Variants in ATP10A observed in about 807,000 individuals in gnomAD.
ATP10A encodes phospholipid-transporting ATPase VA.
Under a neutral mutation model 147.8 loss-of-function variants are expected in ATP10A, and 111 were observed. The observed-to-expected ratio is 0.75, with a 90% CI of 0.64 to 0.88. The LOEUF (loss-of-function observed/expected upper bound fraction) is 0.88. ATP10A is among the 40% of genes least tolerant of loss of function. ATP10A has a pLI of 0.00. For synonymous variants in ATP10A, 875 were observed against 841.6 expected (o/e 1.04, Z -0.69); for missense variants, 1,927 against 1,959.0 (o/e 0.98, Z 0.31).
At chr15:25,769,224 C>T (rs1017053784) in intron 2 of ATP10A, among the ~76,000 whole-genome samples, 2 of 152,052 alleles carry the variant, frequency 1.3e-5, no homozygotes, top group East Asian at 1.9e-4. Context: ...TGGTGGCTTA[C>T]ACCTGTAATC....
intron 1 of ATP10A, among the ~76,000 whole-genome samples, chr15:25,815,894 G>A (rs1891634068): frequency 6.6e-6 from 1 of 151,894 alleles, no homozygotes; most frequent in Non-Finnish European, 1.5e-5. Flanking sequence ...TCCAACTCTT[G>A]CAAATGTAAG....
At chr15:25,723,235 C>G (rs956882541) in intron 6 of ATP10A, among the ~76,000 whole-genome samples, 2 of 151,834 alleles carry the variant, frequency 1.3e-5, no homozygotes, top group African/African-American at 4.8e-5. Context: ...GTAATCCCAG[C>G]TACTCGGGAG....
At position 25,716,734 on chromosome 15, in the gene ATP10A, G is replaced by C. The variant is rs1048415535; in HGVS notation, c.1772C>G (p.Thr591Arg). ...CAGGGACCCTCCAGAACTTGCCTTT[G>C]TTCGTGGCTGATCCGGGGACGTGAC... ...VVVTSPDQPR[T>R]KVRVRFELKS... is the part of the protein sequence containing the mutation. Residue 591 changes from threonine (T) to arginine (R), a missense_variant, in exon 9 of 21, where the codon ACA becomes AGA. Transcript: ENST00000555815. 4 of 1,581,386 alleles carry C rather than the reference G, an allele frequency of 2.5e-6. No individual in the cohort carries two copies. Among genetic ancestry groups the C allele is most frequent in the African/African-American group, 1.4e-5 (1 of 73,816 alleles).
chr15:25,829,680 C>T (rs1596966404), intron 1 of ATP10A, among the ~76,000 whole-genome samples: 1 of 152,196 alleles, frequency 6.6e-6, no homozygotes, highest in Non-Finnish European at 1.5e-5. Context: ...GGGAAAGGTG[C>T]CTGAACTAGG....
At chr15:25,831,853 C>A (rs1468622774) in intron 1 of ATP10A, among the ~76,000 whole-genome samples, 1 of 152,162 alleles carries the variant, frequency 6.6e-6, no homozygotes, top group Non-Finnish European at 1.5e-5. Context: ...CCCTCCAGTG[C>A]CAGTAGGACA....
chr15:25,749,277 T>C (rs1888022916), intron 2 of ATP10A, among the ~76,000 whole-genome samples: 1 of 152,094 alleles, frequency 6.6e-6, no homozygotes, highest in South Asian at 2.1e-4. Context: ...CTAAAAAATG[T>C]ATAAGATCTC....
Position 25,695,029 on chromosome 15 carries a change from GTGGGC to G in ATP10A, c.2873_2877del (p.Cys958SerfsTer72). On this transcript the variant is annotated frameshift_variant, in exon 14 of 21. Transcript: ENST00000555815. LOFTEE classifies it high-confidence loss of function. ...CGGCCAGAGGCAGTGGACGTGGAGG[GTGGGC>G]AGAGAGAGGAGAACCTCATGCTCAC... is the stretch of plus-strand genomic sequence containing the variant. The G allele has an allele frequency of 6.2e-7, 1 of 1,614,204 alleles. No individual in the cohort carries two copies. The highest frequency in any genetic ancestry group is 8.5e-7 in the Non-Finnish European group (1 of 1,180,046).
Position 25,727,205 on chromosome 15 carries a change from T to G in ATP10A, c.802A>C (p.Thr268Pro). ...YKENLLLRGC[T>P]LRNTDAVVGI... ...ACGACTGCGTCCGTGTTCCTAAGGGTGCAGCCCCTCAGCAGCAGGTTTTCT... is the reference window on the plus strand; with the variant it reads ...ACGACTGCGTCCGTGTTCCTAAGGGGGCAGCCCCTCAGCAGCAGGTTTTCT... Residue 268 changes from threonine to proline, a missense_variant, in exon 4 of 21, where the codon ACC (threonine) becomes CCC (proline). Thr to Pro is a conservative substitution (Grantham distance 38). Transcript: ENST00000555815. 6.2e-7 allele frequency: 1 copy of G among 1,614,106 alleles called. No homozygotes were observed. The highest frequency in any genetic ancestry group is 8.5e-7 in the Non-Finnish European group (1 of 1,180,018).
At position 25,753,563 on chromosome 15, in the gene ATP10A, C is replaced by T. The variant is rs58593505; in HGVS notation, c.655-17422G>A. Among the ~76,000 whole-genome samples the T allele has an allele frequency of 6.9e-3, 1,042 of 150,918 alleles. 15 individuals are homozygous for T. The highest frequency in any genetic ancestry group is 0.023 in the African/African-American group (958 of 41,068). On this transcript the variant is annotated intron_variant, in intron 2 of 20. Coordinates refer to ENST00000555815, the MANE Select transcript of ATP10A (RefSeq NM_024490.4). The stretch of plus-strand genomic sequence containing the variant: ...AAAGGCACCCCTAACTGCACCCCCC[C>T]ACAAGTCACTCTTAAGGGCTGTAAT...
At chr15:25,790,960 C>T (rs1230923186) in intron 1 of ATP10A, among the ~76,000 whole-genome samples, 2 of 152,114 alleles carry the variant, frequency 1.3e-5, no homozygotes, top group Non-Finnish European at 2.9e-5. Flanking sequence ...AGAAGTTTTG[C>T]ATTGTAAATA....
chr15:25,726,632 AT>A (rs1902573592), intron 4 of ATP10A, among the ~76,000 whole-genome samples: 1 of 151,732 alleles, frequency 6.6e-6, no homozygotes, highest in Non-Finnish European at 1.5e-5. Context: ...TTTAGTAGAG[AT>A]GGGGTTTCAC....
At chr15:25,783,053 G>A (rs909525414) in intron 1 of ATP10A, among the ~76,000 whole-genome samples, 4 of 152,058 alleles carry the variant, frequency 2.6e-5, no homozygotes, top group African/African-American at 9.7e-5. Context: ...GCACGAGCCT[G>A]TAGTCCCAGC....
chr15:25,733,420 G>A (rs1220780216), intron 3 of ATP10A, among the ~76,000 whole-genome samples: 1 of 152,134 alleles, frequency 6.6e-6, no homozygotes, highest in Non-Finnish European at 1.5e-5. Flanking sequence ...CCAGCCCCAG[G>A]GAGCACTCCT....
intron 2 of ATP10A, among the ~76,000 whole-genome samples, chr15:25,759,849 C>G (rs918261486): frequency 3.3e-5 from 5 of 151,628 alleles, no homozygotes; most frequent in African/African-American, 9.7e-5. Flanking sequence ...TTTTAGGTAG[C>G]TGGCCTAGGA....
At chr15:25,721,479 A>C (rs1481261469) in intron 7 of ATP10A, among the ~76,000 whole-genome samples, 178 bp downstream of exon 7, 1 of 151,884 alleles carries the variant, frequency 6.6e-6, no homozygotes, top group African/African-American at 2.4e-5. Context: ...ACCGGGCTTC[A>C]GGCACCTGAG....
At chr15:25,725,820 T>C in intron 5 of ATP10A, 131 bp downstream of exon 5, 2 of 1,137,342 alleles carry the variant, frequency 1.8e-6, no homozygotes, top group Admixed American at 2.7e-5. Context: ...GATTTCACCA[T>C]GTTGGCCAGC....
At chr15:25,832,720 C>A (rs905079821) in intron 1 of ATP10A, among the ~76,000 whole-genome samples, 2 of 152,104 alleles carry the variant, frequency 1.3e-5, no homozygotes, top group Non-Finnish European at 2.9e-5. Flanking sequence ...TAAACTACAG[C>A]TGGAGAGGAG....
At position 25,815,674 on chromosome 15, in the gene ATP10A, T is replaced by A. The variant is rs532061401; in HGVS notation, c.450-34451A>T. 1.8e-4 allele frequency among the ~76,000 whole-genome samples: 6 copies of A among 33,012 alleles called. No individual in the cohort carries two copies. In the South Asian group the frequency reaches 5.3e-3, roughly 29 times the overall value. 21.7% of individuals were successfully genotyped at this position (33,012 alleles called of 152,430 possible). On this transcript the variant is annotated intron_variant, in intron 1 of 20. Coordinates refer to ENST00000555815, the MANE Select transcript of ATP10A (RefSeq NM_024490.4). ...AAAATGAATTCTGCAAAAAAATTTG[T>A]TAAGCTTATTTAATCATTCCATTTT... is the stretch of plus-strand genomic sequence containing the variant.
rs1371373958 is a variant in ATP10A, at chr15:25,862,359, G to A, written c.449+289C>T. The A allele has an allele frequency of 4.9e-6, 3 of 615,988 alleles. No homozygotes were observed. In the East Asian group the frequency reaches 1.0e-4, roughly 21 times the overall value. The allele number at this position is 615,988 out of a possible 1,614,324, so 38.2% of individuals were successfully genotyped here. On this transcript the variant is annotated intron_variant, in intron 1 of 20. Coordinates refer to ENST00000555815, the MANE Select transcript of ATP10A (RefSeq NM_024490.4). Reference sequence around the variant, plus strand: ...CGGCTGTGGATGAGGATGTCCAGCGGCCGTCGGTTTCTAGCCTTGGGATCA... The same window carrying A: ...CGGCTGTGGATGAGGATGTCCAGCGACCGTCGGTTTCTAGCCTTGGGATCA...
Sources: allele counts gnomAD v4.1 joint callset (sites outside exome capture counted in the v4.1 genomes callset), GRCh38; gene constraint gnomAD v4.1.1; transcripts MANE v1.5; gene names NCBI Gene and HGNC (gene_info 2026-07-23, HGNC 2026-07-21).